DOCK9: variants seen among roughly 807,000 people sequenced by gnomAD.
DOCK9 encodes the protein dedicator of cytokinesis 9.
DOCK9 carries 89 observed loss-of-function variants against 263.3 expected under a neutral mutation model. The ratio of observed to expected loss-of-function variants is 0.34; its 90% confidence interval spans 0.28 to 0.40. DOCK9 has a LOEUF of 0.40. Among genes scored for constraint, DOCK9 ranks in the 10% least tolerant of loss-of-function variants. The pLI is 1.00. For synonymous variants in DOCK9, 976 were observed against 973.1 expected (o/e 1.00, Z -0.06); for missense variants, 2,140 against 2,603.4 (o/e 0.82, Z 3.87).
At chr13:99,027,647 A>G (rs1279018626) in intron 1 of DOCK9, among the ~76,000 whole-genome samples, 1 of 152,234 alleles carries the variant, frequency 6.6e-6, no homozygotes, top group Non-Finnish European at 1.5e-5. Flanking sequence ...AATATTTCCA[A>G]AAATACAATT....
chr13:98,850,790 G>A (rs1433690223), intron 35 of DOCK9, among the ~76,000 whole-genome samples: 1 of 152,166 alleles, frequency 6.6e-6, no homozygotes, highest in Non-Finnish European at 1.5e-5. Context: ...GTACCCAATG[G>A]TATGTGCATT....
At chr13:99,087,102 T>C (rs980196527), upstream of DOCK9, among the ~76,000 whole-genome samples, 2 of 144,076 alleles carry the variant, frequency 1.4e-5, no homozygotes, top group African/African-American at 5.9e-5. Flanking sequence ...AAAGTAGCCT[T>C]TATTTATGTG....
intron 1 of DOCK9, among the ~76,000 whole-genome samples, chr13:99,052,839 A>G (rs2040763155): frequency 6.7e-6 from 1 of 149,522 alleles, no homozygotes; most frequent in Non-Finnish European, 1.5e-5. Flanking sequence ...TTTTTAACTG[A>G]GTTGTTTTCT....
chr13:98,808,289 G>A (rs888998883), intron 47 of DOCK9, among the ~76,000 whole-genome samples: 23 of 152,158 alleles, frequency 1.5e-4, no homozygotes, highest in Admixed American at 1.3e-4. Flanking sequence ...TGTATAAATT[G>A]TATTTTGCTT....
chr13:98,888,286 A>C (rs2046108853), intron 17 of DOCK9, 63 bp from the exon 18 acceptor site: 1 of 1,602,532 alleles, frequency 6.2e-7, no homozygotes, highest in African/African-American at 1.3e-5. Context: ...GTAAGTATTT[A>C]TAAAAGAACA....
At chr13:99,050,340 C>T (rs1363863579) in intron 1 of DOCK9, among the ~76,000 whole-genome samples, 3 of 152,158 alleles carry the variant, frequency 2.0e-5, no homozygotes, top group East Asian at 1.9e-4. Context: ...TCCGAGACAG[C>T]GAAACCTGAA....
chr13:98,895,671 A>G (rs1013295889), intron 15 of DOCK9, among the ~76,000 whole-genome samples: 1 of 152,162 alleles, frequency 6.6e-6, no homozygotes, highest in African/African-American at 2.4e-5. Context: ...TCTCAAAAAA[A>G]AAAAAAAAGT....
At chr13:98,974,748 CAAAAAAAA>C (rs57196019) in intron 1 of DOCK9, among the ~76,000 whole-genome samples, 1 of 33,206 alleles carries the variant, frequency 3.0e-5, no homozygotes, top group Non-Finnish European at 5.6e-5. Context: ...AACTCTGTCT[CAAAAAAAA>C]AAAAAAAAAA....
Position 98,866,316 on chromosome 13 carries a change from G to A in DOCK9, c.3286+1109C>T, listed in dbSNP as rs141445987. Among the ~76,000 whole-genome samples the A allele has an allele frequency of 1.1e-4, 16 of 152,228 alleles. No homozygotes were observed. In the East Asian group the frequency reaches 1.9e-3, roughly 18 times the overall value. On this transcript the variant is annotated intron_variant, in intron 30 of 52. Coordinates refer to ENST00000682017, the MANE Select transcript of DOCK9 (RefSeq NM_001366683.2). The stretch of plus-strand genomic sequence containing the variant: ...TTCTGAAGCTCGACACAGTTGGTGC[G>A]GGGTAAATATTTGTTGAATGCATGA...
At chr13:98,902,591 G>A (rs1176458912) in intron 11 of DOCK9, 100 bp from the exon 12 acceptor site, 1 of 1,129,930 alleles carries the variant, frequency 8.9e-7, no homozygotes, top group African/African-American at 1.5e-5. Flanking sequence ...TAGGACTGTT[G>A]CCATAAATTA....
chr13:99,075,355 CTTTT>C (rs142464481), intron 1 of DOCK9, among the ~76,000 whole-genome samples: 1 of 121,980 alleles, frequency 8.2e-6, no homozygotes. Flanking sequence ...AGCTGTAGTA[CTTTT>C]TTTTTTTTTT....
Position 98,847,565 on chromosome 13 carries a change from T to C in DOCK9, c.4061+1027A>G, listed in dbSNP as rs1015302365. ...TACATGTTTACTTCTTAACATAAAA[T>C]GTAATTCTGAAAATTTCTCAAATAT... On this transcript the variant is annotated intron_variant, in intron 37 of 52. Coordinates refer to ENST00000682017, the MANE Select transcript of DOCK9 (RefSeq NM_001366683.2). The C allele has an allele frequency of 3.9e-5, 6 of 152,186 alleles. No individual in the cohort carries two copies. The East Asian group carries it at 1.2e-3, about 29-fold the overall frequency. The allele number at this position is 152,186 out of a possible 1,614,324, so 9.4% of individuals were successfully genotyped here.
intron 1 of DOCK9, among the ~76,000 whole-genome samples, chr13:98,972,375 G>A (rs1421769721): frequency 2.6e-5 from 4 of 151,718 alleles, no homozygotes; most frequent in East Asian, 1.9e-4. Context: ...AATAAATGCC[G>A]GAGCTGGGTG....
At chr13:98,979,192 G>GTAGTAT, upstream of DOCK9, among the ~76,000 whole-genome samples, 1 of 123,388 alleles carries the variant, frequency 8.1e-6, no homozygotes, top group Non-Finnish European at 1.7e-5. Context: ...AGTAGTAGTA[G>GTAGTAT]TAGTAGTAGT....
Position 98,849,948 on chromosome 13 carries a change from C to G in DOCK9, c.4013+99G>C, listed in dbSNP as rs1407110948. The G allele has an allele frequency of 4.8e-6, 4 of 835,352 alleles. No individual in the cohort carries two copies. The Admixed American group carries it at 1.0e-4, about 21-fold the overall frequency. The allele number at this position is 835,352 out of a possible 1,614,324, so 51.7% of individuals were successfully genotyped here. On this transcript the variant is annotated intron_variant, in intron 36 of 52. Coordinates refer to ENST00000682017, the MANE Select transcript of DOCK9 (RefSeq NM_001366683.2). ...GCTTAAGGAGTAAGTGAGGATGTGA[C>G]ATACACTACTCCTCTGGTTCAACTA...
intron 1 of DOCK9, among the ~76,000 whole-genome samples, chr13:99,042,320 C>CT (rs1888539245): frequency 6.6e-6 from 1 of 152,218 alleles, no homozygotes; most frequent in Non-Finnish European, 1.5e-5. Context: ...TGAATCTGGT[C>CT]TTTTTTCTTC....
chr13:98,849,512 CA>C (rs1193931764), intron 36 of DOCK9, among the ~76,000 whole-genome samples: 2 of 151,126 alleles, frequency 1.3e-5, no homozygotes, highest in Non-Finnish European at 2.9e-5. Context: ...TTCAGAAATC[CA>C]AAAAGTTCTG....
intron 1 of DOCK9, among the ~76,000 whole-genome samples, chr13:98,987,834 CAAACA>C (rs1215110054): frequency 6.6e-6 from 1 of 152,096 alleles, no homozygotes; most frequent in East Asian, 1.9e-4. Context: ...AGTTTTGTTT[CAAACA>C]TAATTTTGTC....
intron 1 of DOCK9, among the ~76,000 whole-genome samples, chr13:99,080,681 G>C (rs1050348715): frequency 6.6e-6 from 1 of 152,100 alleles, no homozygotes; most frequent in Non-Finnish European, 1.5e-5. Flanking sequence ...CATCTTCCAG[G>C]TCCAGTTTAA....
Sources: gnomAD v4.1 joint callset for allele counts (sites outside exome capture counted in the v4.1 genomes callset) on GRCh38, gnomAD v4.1.1 for gene constraint, MANE v1.5 for transcripts, NCBI Gene and HGNC (gene_info 2026-07-23, HGNC 2026-07-21) for gene names.